CAAP1: variants seen among roughly 807,000 people sequenced by gnomAD.
The protein encoded by CAAP1 is conserved anti-apoptotic protein.
Under a neutral mutation model 34.0 loss-of-function variants are expected in CAAP1, and 20 were observed. The observed-to-expected ratio is 0.59, with a 90% CI of 0.41 to 0.86. The LOEUF (loss-of-function observed/expected upper bound fraction) is 0.86, where lower values mean the gene tolerates loss of function less well. Ranked by LOEUF, CAAP1 falls within the 40% of genes least tolerant of loss-of-function variation. CAAP1 has a pLI of 0.00. For synonymous variants in CAAP1, 213 were observed against 166.7 expected, an observed-to-expected ratio of 1.28 and a Z score of -2.14; for missense variants, 538 against 450.5, an observed-to-expected ratio of 1.19 and a Z score of -1.76.
Position 26,842,574 on chromosome 9 carries a change from G to C in CAAP1, c.813C>G (p.Asn271Lys). ...GTGCCTCGGGAGCAGCTGCTTCTTCGTTGCATGGGCCTTCTATGTCGCTGT... is the reference window on the plus strand; with the variant it reads ...GTGCCTCGGGAGCAGCTGCTTCTTCCTTGCATGGGCCTTCTATGTCGCTGT... ...AYDSDIEGPC[N>K]EEAAAPEAPE... Residue 271 changes from asparagine (N) to lysine (K), a missense_variant, in exon 6 of 6, where the codon AAC (asparagine) becomes AAG (lysine). Transcript: ENST00000333916. 6.2e-7 allele frequency: 1 copy of C among 1,614,058 alleles called. No homozygotes were observed. The highest frequency in any genetic ancestry group is 1.3e-5 in the African/African-American group (1 of 75,010).
chr9:26,870,468 G>C (rs1309352175), intron 4 of CAAP1, among the ~76,000 whole-genome samples: 3 of 151,104 alleles, frequency 2.0e-5, no homozygotes, highest in South Asian at 4.2e-4. Context: ...GGTTATCTAA[G>C]TTGTCTGAAT....
chr9:26,885,186 C>G (rs1244511418), intron 3 of CAAP1, among the ~76,000 whole-genome samples: 4 of 151,244 alleles, frequency 2.6e-5, no homozygotes, highest in Non-Finnish European at 5.9e-5. Flanking sequence ...TAGCAATTCT[C>G]CTGCCTCAGC....
Position 26,866,648 on chromosome 9 carries a change from A to G in CAAP1, c.666-5509T>C, listed in dbSNP as rs141956570. Among the ~76,000 whole-genome samples the G allele has an allele frequency of 3.8e-3, 585 of 152,304 alleles. 6 individuals carry two copies. Among genetic ancestry groups the G allele is most frequent in the African/African-American group, 0.013 (560 of 41,570 alleles). On this transcript the variant is annotated intron_variant, in intron 4 of 5. Coordinates refer to ENST00000333916, the MANE Select transcript of CAAP1 (RefSeq NM_024828.4). Reference sequence around the variant, plus strand: ...ACAGTGGTTACCTTTGAAGCTTGGGACCTTAACATGGATTCTTGGACCATC... The same window carrying G: ...ACAGTGGTTACCTTTGAAGCTTGGGGCCTTAACATGGATTCTTGGACCATC...
chr9:26,880,099 G>T (rs889493605), intron 4 of CAAP1: 4 of 176,318 alleles, frequency 2.3e-5, no homozygotes, highest in South Asian at 1.0e-4. Context: ...AAATCCGGGG[G>T]GGGGGGGTCT....
intron 4 of CAAP1, among the ~76,000 whole-genome samples, chr9:26,884,248 GA>G (rs1587126711): frequency 6.6e-6 from 1 of 152,100 alleles, no homozygotes. Flanking sequence ...CACTAATGAA[GA>G]AAAAACTAAT....
At chr9:26,884,601 T>G (rs979808210) in intron 4 of CAAP1, among the ~76,000 whole-genome samples, 2 of 152,144 alleles carry the variant, frequency 1.3e-5, no homozygotes, top group African/African-American at 4.8e-5. Flanking sequence ...GGAGTAGTTT[T>G]AAAAAATCAT....
At chr9:26,879,306 GATTT>G (rs1387656802) in intron 4 of CAAP1, among the ~76,000 whole-genome samples, 1 of 152,106 alleles carries the variant, frequency 6.6e-6, no homozygotes, top group Non-Finnish European at 1.5e-5. Context: ...CATTTTAACA[GATTT>G]ATTTATAATT....
intron 4 of CAAP1, among the ~76,000 whole-genome samples, chr9:26,874,905 G>A (rs1043184379): frequency 2.6e-5 from 4 of 152,154 alleles, no homozygotes; most frequent in Non-Finnish European, 5.9e-5. Flanking sequence ...GGCAATATAA[G>A]AAGATAAACT....
At chr9:26,887,946 G>A (rs1823792475) in intron 1 of CAAP1, among the ~76,000 whole-genome samples, 4 of 152,100 alleles carry the variant, frequency 2.6e-5, no homozygotes, top group Admixed American at 2.6e-4. Context: ...TACGTACCAG[G>A]AGCTATCATC....
rs142356041 is a variant in CAAP1 at position 26,881,993 on chromosome 9, G to A, written c.665+2817C>T. 3.3e-3 allele frequency among the ~76,000 whole-genome samples: 508 copies of A among 152,330 alleles called. 2 individuals are homozygous for A. Among genetic ancestry groups the A allele is most frequent in the Middle Eastern group, 6.8e-3 (2 of 294 alleles). On this transcript the variant is annotated intron_variant, in intron 4 of 5. Transcript: ENST00000333916. ...CTGGCAGCATTTTGCCCTTGAGCTA[G>A]AGATTTGTGGAACTTTGAACTTGAG...
intron 1 of CAAP1, among the ~76,000 whole-genome samples, chr9:26,889,017 A>T (rs908447626): frequency 6.6e-6 from 1 of 152,262 alleles, no homozygotes; most frequent in African/African-American, 2.4e-5. Context: ...ACATGGATGA[A>T]TCTTAAAAAC....
At chr9:26,868,378 T>C (rs765346246) in intron 4 of CAAP1, among the ~76,000 whole-genome samples, 8 of 152,152 alleles carry the variant, frequency 5.3e-5, no homozygotes, top group Non-Finnish European at 8.8e-5. Context: ...TGATGTGATA[T>C]GCTCTGAAGA....
At chr9:26,860,357 T>C (rs919684297) in intron 5 of CAAP1, among the ~76,000 whole-genome samples, 3 of 152,204 alleles carry the variant, frequency 2.0e-5, no homozygotes, top group East Asian at 1.9e-4. Context: ...AAGCAATAAA[T>C]GATGAAGAAA....
chr9:26,848,312 G>T (rs1276669272), intron 5 of CAAP1, among the ~76,000 whole-genome samples: 1 of 152,120 alleles, frequency 6.6e-6, no homozygotes, highest in African/African-American at 2.4e-5. Context: ...AAGAGATGGA[G>T]ACCATTCTGG....
In CAAP1 at chr9:26,884,840, C is replaced by A; in HGVS notation, c.635G>T (p.Gly212Val). 1 of 1,609,574 alleles carries A rather than the reference C, an allele frequency of 6.2e-7. No individual in the cohort carries two copies. The highest frequency in any genetic ancestry group is 1.1e-5 in the South Asian group (1 of 90,974). ...GACTAAATCAGATCCCATCTTAGAA[C>A]CATCATCTGCTTCCTCTTCCATATC... ...DSDMEEEADD[G>V]SKMGSDLVSQ... The change falls in exon 4 of 6, where the codon GGT becomes GTT. Residue 212 changes from glycine (G) to valine (V), a missense_variant. Gly to Val is a moderately radical substitution (Grantham distance 109). Around this residue, in one of 3 missense-constraint regions of CAAP1, gnomAD observed 514 missense variants for 408.4 expected, o/e 1.26. Coordinates refer to ENST00000333916, the MANE Select transcript of CAAP1 (RefSeq NM_024828.4).
At chr9:26,864,619 A>G (rs1480762892) in intron 4 of CAAP1, among the ~76,000 whole-genome samples, 1 of 152,206 alleles carries the variant, frequency 6.6e-6, no homozygotes, top group Admixed American at 6.5e-5. Flanking sequence ...TGCGACTCCA[A>G]GATTTTGTGA....
intron 4 of CAAP1, among the ~76,000 whole-genome samples, chr9:26,873,096 T>A (rs1823321866): frequency 6.6e-6 from 1 of 152,098 alleles, no homozygotes. Flanking sequence ...CTACAAAAAA[T>A]TTAAAAATTA....
rs201819138 is a variant in CAAP1 at position 26,892,507 on chromosome 9, C to G, written c.209G>C (p.Gly70Ala). The change falls in exon 1 of 6, where the codon GGC (glycine) becomes GCC (alanine). Residue 70 changes from glycine (G) to alanine (A), a missense_variant. Around this residue, in one of 3 missense-constraint regions of CAAP1, gnomAD observed 514 missense variants for 408.4 expected, o/e 1.26. Transcript: ENST00000333916. ...FSGSVTGGGS[G>A]GSCWGGSSVE... ...GCTGCTCCCGCCCCAACAGCTGCCG[C>G]CGCTCCCACCGCCGGTGACACTTCC... is the stretch of plus-strand genomic sequence containing the variant. 1.0e-4 allele frequency: 157 copies of G among 1,566,832 alleles called. No individual in the cohort carries two copies. In the East Asian group the frequency reaches 3.2e-3, roughly 32 times the overall value.
chr9:26,861,303 C>A (rs1822998584), intron 4 of CAAP1, among the ~76,000 whole-genome samples, 164 bp from the exon 5 acceptor site: 1 of 152,172 alleles, frequency 6.6e-6, no homozygotes, highest in Non-Finnish European at 1.5e-5. Context: ...AACAAGTATT[C>A]AAGTGTCAGA....
Sources: allele counts gnomAD v4.1 joint callset (sites outside exome capture counted in the v4.1 genomes callset), GRCh38; gene constraint gnomAD v4.1.1; regional missense constraint gnomAD v4.1.1; transcripts MANE v1.5; gene names NCBI Gene and HGNC (gene_info 2026-07-23, HGNC 2026-07-21).